Variants in MED12L observed in about 807,000 individuals in gnomAD.
MED12L encodes the protein mediator complex subunit 12L, also known as mediator of RNA polymerase II transcription subunit 12-like protein.
MED12L carries 60 observed loss-of-function variants against 281.3 expected under a neutral mutation model. The ratio of observed to expected loss-of-function variants is 0.21; its 90% confidence interval spans 0.17 to 0.26. The LOEUF is 0.26. MED12L is among the 10% of genes least tolerant of loss of function. The pLI, the probability that MED12L is intolerant of heterozygous loss-of-function variation, is 1.00. For synonymous variants in MED12L, 974 were observed against 987.2 expected (o/e 0.99, Z 0.25); for missense variants, 2,146 against 2,680.9 (o/e 0.80, Z 4.41).
chr3:151,347,139 T>C (rs575615840), intron 16 of MED12L, among the ~76,000 whole-genome samples: 32 of 134,658 alleles, frequency 2.4e-4, no homozygotes, highest in African/African-American at 8.0e-4. Context: ...TAAAACTTAG[T>C]TCACCCTACA....
At chr3:151,414,612 G>A (rs1717342612) in intron 42 of MED12L, among the ~76,000 whole-genome samples, 1 of 152,072 alleles carries the variant, frequency 6.6e-6, no homozygotes, top group Non-Finnish European at 1.5e-5. Flanking sequence ...ACAGGCAAAA[G>A]CCAACACACC....
chr3:151,194,673 C>T (rs556076464), intron 16 of MED12L, among the ~76,000 whole-genome samples: 4 of 152,196 alleles, frequency 2.6e-5, no homozygotes, highest in African/African-American at 9.6e-5. Context: ...AGGAAATTTA[C>T]CATTTGACTC....
At chr3:151,322,621 A>G (rs1749123191) in intron 16 of MED12L, among the ~76,000 whole-genome samples, 2 of 152,090 alleles carry the variant, frequency 1.3e-5, no homozygotes, top group Non-Finnish European at 2.9e-5. Context: ...CGTTGACCTT[A>G]TAGTTGTAGA....
At chr3:151,342,985 C>T (rs1036181288) in intron 16 of MED12L, among the ~76,000 whole-genome samples, 1 of 152,008 alleles carries the variant, frequency 6.6e-6, no homozygotes, top group Non-Finnish European at 1.5e-5. Flanking sequence ...AGATGGAGAC[C>T]CCATTCTGAC....
intron 39 of MED12L, among the ~76,000 whole-genome samples, chr3:151,407,289 C>T (rs1716434069): frequency 6.6e-6 from 1 of 152,220 alleles, no homozygotes; most frequent in African/African-American, 2.4e-5. Flanking sequence ...CTTTATGCAT[C>T]TGAATGCAGC....
intron 5 of MED12L, among the ~76,000 whole-genome samples, chr3:151,146,547 T>G (rs1717785841): frequency 6.6e-6 from 1 of 152,108 alleles, no homozygotes; most frequent in Admixed American, 6.5e-5. Flanking sequence ...GGGTTTTATT[T>G]TATTTGATCT....
rs74372397 is a variant in MED12L, at chr3:151,428,173, C to G, written c.6409-2126C>G. Among the ~76,000 whole-genome samples the G allele has an allele frequency of 2.9e-3, 436 of 152,240 alleles. 4 individuals carry two copies. The highest frequency in any genetic ancestry group is 0.01 in the African/African-American group (425 of 41,536). Reference sequence around the variant, plus strand: ...TTCAGATTCCAAAGCACATATCTGTCTTAGGACTTTGGATAAGAGATTGAG... The same window carrying G: ...TTCAGATTCCAAAGCACATATCTGTGTTAGGACTTTGGATAAGAGATTGAG... On this transcript the variant is annotated intron_variant, in intron 43 of 44. Transcript: ENST00000687756.
intron 16 of MED12L, among the ~76,000 whole-genome samples, chr3:151,324,604 G>A (rs1223758992): frequency 6.6e-6 from 1 of 152,154 alleles, no homozygotes; most frequent in Non-Finnish European, 1.5e-5. Flanking sequence ...TAGCCTTTCT[G>A]TTTCTCAACT....
At position 151,120,816 on chromosome 3, in the gene MED12L, T is replaced by C. The variant is rs77989920; in HGVS notation, c.205-1967T>C. Among the ~76,000 whole-genome samples the C allele has an allele frequency of 3.2e-4, 48 of 152,344 alleles. 1 individual carries two copies. The East Asian group carries it at 7.5e-3, about 24-fold the overall frequency. On this transcript the variant is annotated intron_variant, in intron 3 of 44. Coordinates refer to ENST00000687756, the MANE Select transcript of MED12L (RefSeq NM_001393769.1). ...ATATTGCTATTGCAATTAAATGTTATAATCATGTTTTGACCTTTTTTGGAG... is the reference window on the plus strand; with the variant it reads ...ATATTGCTATTGCAATTAAATGTTACAATCATGTTTTGACCTTTTTTGGAG...
intron 16 of MED12L, among the ~76,000 whole-genome samples, chr3:151,312,201 G>A (rs924825282): frequency 3.9e-5 from 6 of 152,198 alleles, no homozygotes; most frequent in Non-Finnish European, 7.3e-5. Flanking sequence ...TGGGGGACAG[G>A]TAGGTCATCC....
At chr3:151,169,126 T>TTTTTTTTTTTTTTGTTTG (rs1721105106) in intron 11 of MED12L, among the ~76,000 whole-genome samples, 1 of 141,748 alleles carries the variant, frequency 7.1e-6, no homozygotes, top group Admixed American at 7.0e-5. Context: ...TTTTTTGTTT[T>TTTTTTTTTTTTTTGTTTG]TTTTTTTTTG....
intron 30 of MED12L, 77 bp downstream of exon 30, chr3:151,377,255 TTTTC>T (rs1756961836): frequency 1.6e-6 from 2 of 1,216,130 alleles, no homozygotes; most frequent in East Asian, 2.4e-5. Flanking sequence ...GCACAGTGAT[TTTTC>T]TTTAAGTCAT....
chr3:151,356,728 G>A (rs1753970757), intron 19 of MED12L, among the ~76,000 whole-genome samples: 1 of 152,066 alleles, frequency 6.6e-6, no homozygotes, highest in Non-Finnish European at 1.5e-5. Context: ...TTTAGGTTAA[G>A]AGCCAGAACA....
chr3:151,223,867 T>TC (rs1729922702), intron 16 of MED12L, among the ~76,000 whole-genome samples: 2 of 152,224 alleles, frequency 1.3e-5, no homozygotes, highest in African/African-American at 4.8e-5. Flanking sequence ...CATTGCCTAC[T>TC]CCTGGGGAGG....
chr3:151,159,864 G>A lies in MED12L; in HGVS notation c.870G>A (p.Leu290=). Residue 290 remains leucine (L), a synonymous_variant, in exon 8 of 45, where the codon CTG becomes CTA. Coordinates refer to ENST00000687756, the MANE Select transcript of MED12L (RefSeq NM_001393769.1). The part of the protein sequence containing the change: ...YSDEFVQSAY[L]SRRLAYFCAR... ...ATGAGTTTGTTCAGTCGGCCTACCT[G>A]TCTCGTCGTCTTGCCTACTTTTGTG... 1 of 1,614,206 alleles carries A rather than the reference G, an allele frequency of 6.2e-7. No individual in the cohort carries two copies. Among genetic ancestry groups the A allele is most frequent in the Non-Finnish European group, 8.5e-7 (1 of 1,180,028 alleles).
chr3:151,308,470 A>G, intron 16 of MED12L, among the ~76,000 whole-genome samples: 1 of 152,174 alleles, frequency 6.6e-6, no homozygotes, highest in Middle Eastern at 3.2e-3. Flanking sequence ...AGTAGCCAAC[A>G]TAGTGGTTTT....
chr3:151,407,826 C>A (rs926014915), intron 39 of MED12L, among the ~76,000 whole-genome samples: 1 of 151,858 alleles, frequency 6.6e-6, no homozygotes, highest in Admixed American at 6.6e-5. Flanking sequence ...GATAGATAGT[C>A]ACCTAGAGAG....
chr3:151,237,353 T>TC (rs1733096170), intron 16 of MED12L, among the ~76,000 whole-genome samples: 1 of 127,022 alleles, frequency 7.9e-6, no homozygotes. Flanking sequence ...TTTTTTTCTT[T>TC]TTTTTTTTTT....
At chr3:151,309,135 A>ACACACG (rs1301594577) in intron 16 of MED12L, among the ~76,000 whole-genome samples, 1 of 129,462 alleles carries the variant, frequency 7.7e-6, no homozygotes, top group Admixed American at 8.0e-5. Context: ...ACACACACAC[A>ACACACG]CACACGCACA....
Sources: gnomAD v4.1 joint callset for allele counts (sites outside exome capture counted in the v4.1 genomes callset) on GRCh38, gnomAD v4.1.1 for gene constraint, MANE v1.5 for transcripts, NCBI Gene and HGNC (gene_info 2026-07-23, HGNC 2026-07-21) for gene names.